The following MORC1 variants were observed in gnomAD, a reference collection of about 807,000 sequenced individuals.
MORC1 encodes the protein MORC family CW-type zinc finger 1, also known as MORC family CW-type zinc finger protein 1.
A neutral mutation model predicts 134.9 loss-of-function variants in MORC1; 59 were observed. The observed-to-expected ratio is 0.44, with a 90% CI of 0.35 to 0.54. The LOEUF is 0.54. MORC1 is among the 20% of genes least tolerant of loss of function. MORC1 has a pLI of 0.00. For missense variants in MORC1, 947 were observed against 1,134.5 expected, an observed-to-expected ratio of 0.83 and a Z score of 2.37; for synonymous variants, 395 against 391.7, an observed-to-expected ratio of 1.01 and a Z score of -0.10.
At chr3:108,997,616 G>C (rs1004523816) in intron 21 of MORC1, among the ~76,000 whole-genome samples, 1 of 152,180 alleles carries the variant, frequency 6.6e-6, no homozygotes, top group Non-Finnish European at 1.5e-5. Context: ...GGACTCAGTG[G>C]GGGTAGGGAG....
In MORC1 at chr3:109,000,655, C is replaced by A; in HGVS notation, c.2089G>T (p.Ala697Ser). The change falls in exon 21 of 28, where the codon GCT becomes TCT. Residue 697 changes from alanine to serine, a missense_variant. By Grantham distance (99) the Ala-to-Ser change is moderately conservative. This residue lies in a region of MORC1 where 722 missense variants were observed against 817.0 expected (regional missense o/e 0.88). Coordinates refer to ENST00000232603, the MANE Select transcript of MORC1 (RefSeq NM_014429.4). ...TGCTTCCTTTTCATTTCCCAAGAAG[C>A]GGCCTATAACAAGGAATTAACAAAA... Reference protein sequence around the residue: ...TEGCLKNAQAASWEMKRKQSL... With the variant: ...TEGCLKNAQASSWEMKRKQSL... 1 of 1,606,388 alleles carries A rather than the reference C, an allele frequency of 6.2e-7. No homozygotes were observed. Among genetic ancestry groups the A allele is most frequent in the Non-Finnish European group, 8.5e-7 (1 of 1,176,920 alleles).
rs181741569 is a variant in MORC1 at position 109,076,082 on chromosome 3, T to G, written c.690-6325A>C. Among the ~76,000 whole-genome samples, 4 of 152,166 alleles carry G rather than the reference T, an allele frequency of 2.6e-5. No homozygotes were observed. In the East Asian group the frequency reaches 7.7e-4, roughly 29 times the overall value. On this transcript the variant is annotated intron_variant, in intron 8 of 27. Transcript: ENST00000232603. ...TGGGGGGAAATTTTTGCAATCTATC[T>G]ATCTGACAAAGGGCTACTATCCAGA... is the stretch of plus-strand genomic sequence containing the variant.
intron 25 of MORC1, among the ~76,000 whole-genome samples, chr3:108,970,016 T>C (rs1167063684): frequency 6.6e-6 from 1 of 152,092 alleles, no homozygotes; most frequent in Non-Finnish European, 1.5e-5. Context: ...AAATAATAAA[T>C]ATTCAAAGGG....
chr3:108,997,905 A>G (rs994474763), intron 21 of MORC1, among the ~76,000 whole-genome samples: 1 of 152,208 alleles, frequency 6.6e-6, no homozygotes, highest in Non-Finnish European at 1.5e-5. Flanking sequence ...ACATTTATTG[A>G]TTTTATTAAC....
intron 16 of MORC1, 146 bp from the exon 17 acceptor site, chr3:109,028,035 G>C (rs1949127920): frequency 4.6e-6 from 4 of 876,222 alleles, no homozygotes; most frequent in Non-Finnish European, 5.1e-6. Context: ...TGTATCCGTG[G>C]CTTTCGATAA....
Position 108,979,211 on chromosome 3 carries a change from T to C in MORC1, c.2477+304A>G, listed in dbSNP as rs138323927. Among the ~76,000 whole-genome samples the C allele has an allele frequency of 3.9e-3, 596 of 152,196 alleles. 3 individuals carry two copies. Among genetic ancestry groups the C allele is most frequent in the African/African-American group, 0.014 (573 of 41,518 alleles). ...CCAGAGTTTTTAAAAGGCCATACAA[T>C]GTCATAAGAGCCTTTGTTGGGGAAA... is the stretch of plus-strand genomic sequence containing the variant. On this transcript the variant is annotated intron_variant, in intron 24 of 27. Transcript: ENST00000232603.
intron 23 of MORC1, among the ~76,000 whole-genome samples, chr3:108,981,958 A>C (rs766465648): frequency 7.9e-5 from 12 of 152,220 alleles, no homozygotes; most frequent in Non-Finnish European, 1.5e-4. Context: ...CTACCATCAG[A>C]GTGAACAGGC....
At chr3:109,039,183 T>C (rs949058703) in intron 14 of MORC1, among the ~76,000 whole-genome samples, 2 of 152,200 alleles carry the variant, frequency 1.3e-5, no homozygotes, top group African/African-American at 4.8e-5. Context: ...CCCAAAGTGC[T>C]AGGATTACAG....
chr3:109,014,891 TTG>T (rs973862740), intron 17 of MORC1, among the ~76,000 whole-genome samples: 3 of 152,082 alleles, frequency 2.0e-5, no homozygotes, highest in Admixed American at 6.6e-5. Context: ...CAAATAAAAC[TTG>T]TTTGTTTTTT....
In MORC1 at chr3:109,014,901, T is replaced by C. The variant is rs139791456; in HGVS notation, c.1705-7810A>G. ...TATGTCAAATAAAACTTGTTTGTTT[T>C]TTGAGACAGAGTCTCACTCTGTCAC... On this transcript the variant is annotated intron_variant, in intron 17 of 27. Transcript: ENST00000232603. Among the ~76,000 whole-genome samples, 285 of 152,236 alleles carry C rather than the reference T, an allele frequency of 1.9e-3. 3 individuals carry two copies. Among genetic ancestry groups the C allele is most frequent in the African/African-American group, 6.1e-3 (253 of 41,530 alleles).
intron 14 of MORC1, among the ~76,000 whole-genome samples, chr3:109,036,248 G>T (rs1245775698): frequency 1.3e-5 from 2 of 152,076 alleles, no homozygotes; most frequent in Non-Finnish European, 2.9e-5. Flanking sequence ...GTTGCATCAA[G>T]ATCTCCAAGT....
chr3:109,054,134 T>G (rs1949896012), intron 14 of MORC1, among the ~76,000 whole-genome samples: 1 of 151,788 alleles, frequency 6.6e-6, no homozygotes, highest in African/African-American at 2.4e-5. Context: ...ATACAAAAAT[T>G]AGGCGGGCGT....
intron 3 of MORC1, among the ~76,000 whole-genome samples, chr3:109,106,949 T>C (rs1004405849): frequency 6.6e-6 from 1 of 152,190 alleles, no homozygotes; most frequent in Non-Finnish European, 1.5e-5. Context: ...TTGCCCTCCA[T>C]GACCGGGCCA....
intron 6 of MORC1, 30 bp downstream of exon 6, chr3:109,099,328 T>C (rs753320977): frequency 6.6e-6 from 10 of 1,507,808 alleles, no homozygotes; most frequent in South Asian, 1.2e-5. Flanking sequence ...ATCATTGCTA[T>C]GGGAACAGAA....
intron 17 of MORC1, among the ~76,000 whole-genome samples, chr3:109,024,735 T>C (rs929440061): frequency 2.0e-5 from 3 of 152,208 alleles, no homozygotes; most frequent in Non-Finnish European, 4.4e-5. Flanking sequence ...TGTATGATTC[T>C]GTGATACTGA....
intron 9 of MORC1, among the ~76,000 whole-genome samples, chr3:109,065,071 A>G (rs1950167185): frequency 1.3e-5 from 2 of 152,064 alleles, no homozygotes; most frequent in South Asian, 4.1e-4. Flanking sequence ...CATCCCTTCC[A>G]CTATTACCAC....
At chr3:109,103,493 G>A (rs1325923603) in intron 4 of MORC1, among the ~76,000 whole-genome samples, 1 of 152,078 alleles carries the variant, frequency 6.6e-6, no homozygotes, top group African/African-American at 2.4e-5. Context: ...AAACTGCCTG[G>A]GGCTCTCACA....
intron 5 of MORC1, 84 bp downstream of exon 5, chr3:109,100,333 G>A (rs1240163735): frequency 9.5e-7 from 1 of 1,055,254 alleles, no homozygotes; most frequent in African/African-American, 1.6e-5. Flanking sequence ...AGCTTTACAT[G>A]CCTGCATCAT....
At chr3:109,035,508 A>C in intron 14 of MORC1, 40 bp from the exon 15 acceptor site, 1 of 1,080,310 alleles carries the variant, frequency 9.3e-7, no homozygotes, top group African/African-American at 1.5e-5. Flanking sequence ...ACAAAAAAAA[A>C]TCATTAAAAT....
Sources: gnomAD v4.1 joint callset for allele counts (sites outside exome capture counted in the v4.1 genomes callset) on GRCh38, gnomAD v4.1.1 for gene constraint, gnomAD v4.1.1 regional missense constraint, MANE v1.5 for transcripts, NCBI Gene and HGNC (gene_info 2026-07-23, HGNC 2026-07-21) for gene names.